The following SCN8A variants were observed in gnomAD, a reference collection of about 807,000 sequenced individuals.
The protein encoded by SCN8A is sodium channel protein type 8 subunit alpha.
In SCN8A, 30 loss-of-function variants were observed where a neutral mutation model predicts 184.1. The observed-to-expected ratio is 0.16, with a 90% CI of 0.12 to 0.22. SCN8A has a LOEUF of 0.22. Among genes scored for constraint, SCN8A ranks in the 10% least tolerant of loss-of-function variants. The pLI is 1.00. For synonymous variants in SCN8A, 852 were observed against 907.0 expected, an observed-to-expected ratio of 0.94 and a Z score of 1.09; for missense variants, 1,057 against 2,498.9, an observed-to-expected ratio of 0.42 and a Z score of 12.30.
At chr12:51,624,996 A>G (rs1592336504) in intron 1 of SCN8A, among the ~76,000 whole-genome samples, 2 of 152,172 alleles carry the variant, frequency 1.3e-5, no homozygotes, top group South Asian at 2.1e-4. Context: ...CATTTGTCAC[A>G]GTCTACATCC....
intron 7 of SCN8A, 119 bp from the exon 8 acceptor site, chr12:51,701,025 A>C (rs968594658): frequency 2.1e-5 from 12 of 585,088 alleles, no homozygotes; most frequent in Non-Finnish European, 2.7e-5. Flanking sequence ...AGCTGTTGGA[A>C]AAGATTTATG....
chr12:51,638,462 C>A (rs1397821108), intron 1 of SCN8A, among the ~76,000 whole-genome samples: 1 of 150,838 alleles, frequency 6.6e-6, no homozygotes, highest in Non-Finnish European at 1.5e-5. Context: ...ATGTCAACGT[C>A]AACAGGAGTT....
chr12:51,606,644 G>A (rs1393721082), intron 1 of SCN8A, among the ~76,000 whole-genome samples: 1 of 151,922 alleles, frequency 6.6e-6, no homozygotes, highest in Non-Finnish European at 1.5e-5. Context: ...GCATTTTTGT[G>A]GGGATTGCAT....
In SCN8A at chr12:51,808,682, G is replaced by A. The variant is rs1938793652; in HGVS notation, c.*1253G>A. The A allele has an allele frequency of 6.6e-6, 1 of 152,166 alleles. No individual in the cohort carries two copies. 9.4% of individuals were successfully genotyped at this position (152,166 alleles called of 1,614,324 possible). On this transcript the variant is annotated 3_prime_UTR_variant, in exon 27 of 27. Coordinates refer to ENST00000627620, the MANE Select transcript of SCN8A (RefSeq NM_001330260.2). ...AAATGACCTTTCATTGGGAGTTATG[G>A]GGTGCTCATTTCATTTCGTATCATG...
intron 26 of SCN8A, among the ~76,000 whole-genome samples, chr12:51,801,574 C>A (rs149665207): frequency 0.015 from 2,212 of 152,250 alleles, 45 homozygotes; most frequent in African/African-American, 0.048. Flanking sequence ...TTTCAGCTAA[C>A]CAAGCAAATA....
intron 17 of SCN8A, 21 bp downstream of exon 17, chr12:51,769,356 C>T (rs1942888558): frequency 6.5e-7 from 1 of 1,539,950 alleles, no homozygotes; most frequent in African/African-American, 1.4e-5. Context: ...AGCCTAGAAA[C>T]AGCCTTGATC....
intron 6 of SCN8A, among the ~76,000 whole-genome samples, 197 bp from the exon 7 acceptor site, chr12:51,699,373 A>G (rs1291054990): frequency 2.6e-5 from 4 of 152,234 alleles, no homozygotes; most frequent in Non-Finnish European, 5.9e-5. Context: ...TTTAAGATGT[A>G]TTCACTTAAA....
intron 12 of SCN8A, among the ~76,000 whole-genome samples, chr12:51,734,712 T>C (rs1942296821): frequency 6.6e-6 from 1 of 152,230 alleles, no homozygotes; most frequent in African/African-American, 2.4e-5. Flanking sequence ...GCTCCCAACG[T>C]GTCTCCCTTC....
rs142245265 is a variant in SCN8A, at chr12:51,736,236, G to A, written c.1999-9667G>A. On this transcript the variant is annotated intron_variant, in intron 12 of 26. Transcript: ENST00000627620. ...GCTAGTATAGCCTGGGGCATTCTCTGTTTTAATAGAAGCCCATCACCACAA... is the reference window on the plus strand; with the variant it reads ...GCTAGTATAGCCTGGGGCATTCTCTATTTTAATAGAAGCCCATCACCACAA... Among the ~76,000 whole-genome samples, 15 of 152,308 alleles carry A rather than the reference G, an allele frequency of 9.8e-5. No individual in the cohort carries two copies. The East Asian group carries it at 2.9e-3, about 29-fold the overall frequency.
intron 1 of SCN8A, among the ~76,000 whole-genome samples, chr12:51,615,075 G>T (rs1398045786): frequency 2.0e-5 from 3 of 151,410 alleles, no homozygotes; most frequent in East Asian, 1.9e-4. Context: ...AATATGTTTG[G>T]GTGGTCTGTC....
chr12:51,676,418 ATC>A (rs1334705999), intron 2 of SCN8A, among the ~76,000 whole-genome samples: 1 of 152,230 alleles, frequency 6.6e-6, no homozygotes, highest in African/African-American at 2.4e-5. Flanking sequence ...CTGATATAGA[ATC>A]TGTTTAGATT....
At chr12:51,732,616 G>T (rs1199128898) in intron 12 of SCN8A, among the ~76,000 whole-genome samples, 1 of 152,072 alleles carries the variant, frequency 6.6e-6, no homozygotes, top group African/African-American at 2.4e-5. Context: ...AACACCATTG[G>T]TATTTTGATA....
chr12:51,678,312 G>A (rs1321711273), intron 2 of SCN8A, among the ~76,000 whole-genome samples: 1 of 152,108 alleles, frequency 6.6e-6, no homozygotes, highest in Admixed American at 6.6e-5. Context: ...ACATAAGTAT[G>A]GTACTATCAA....
intron 13 of SCN8A, 90 bp from the exon 14 acceptor site, chr12:51,751,262 TTAA>T (rs1210080183): frequency 4.5e-5 from 37 of 828,284 alleles, no homozygotes; most frequent in Non-Finnish European, 6.9e-5. Context: ...TGATTCCATA[TTAA>T]TAACAGTGAT....
At chr12:51,593,570 C>T (rs915954766) in intron 1 of SCN8A, among the ~76,000 whole-genome samples, 1 of 152,102 alleles carries the variant, frequency 6.6e-6, no homozygotes, top group African/African-American at 2.4e-5. Flanking sequence ...TCTCCTGGTC[C>T]AGCTTTGGGT....
intron 14 of SCN8A, among the ~76,000 whole-genome samples, chr12:51,755,086 A>G (rs931589035): frequency 5.9e-5 from 9 of 152,230 alleles, no homozygotes; most frequent in South Asian, 4.1e-4. Flanking sequence ...AGGCCAGTTG[A>G]TATAAACAAG....
At chr12:51,663,648 T>C (rs1247158202) in intron 2 of SCN8A, among the ~76,000 whole-genome samples, 2 of 152,224 alleles carry the variant, frequency 1.3e-5, no homozygotes, top group Non-Finnish European at 2.9e-5. Context: ...CAGCACTGAT[T>C]CTTGCAGTAG....
chr12:51,800,025 G>A (rs56254405), intron 26 of SCN8A, among the ~76,000 whole-genome samples: 4,152 of 152,254 alleles, frequency 0.027, 179 homozygotes, highest in African/African-American at 0.092. Context: ...TCAATGTAAT[G>A]GACCATCATG....
chr12:51,794,770 A>C (rs1285995106), intron 26 of SCN8A, 129 bp downstream of exon 26: 1 of 882,602 alleles, frequency 1.1e-6, no homozygotes, highest in East Asian at 2.7e-5. Context: ...GCTTAAGTCC[A>C]TGTGTGCCCC....
Sources: allele counts gnomAD v4.1 joint callset (sites outside exome capture counted in the v4.1 genomes callset), GRCh38; gene constraint gnomAD v4.1.1; transcripts MANE v1.5; gene names NCBI Gene and HGNC (gene_info 2026-07-23, HGNC 2026-07-21).